Variants in MTERF3 observed in about 807,000 individuals in gnomAD.
MTERF3 encodes mitochondrial transcription termination factor 3, also known as transcription termination factor 3, mitochondrial.
MTERF3 carries 40 observed loss-of-function variants against 40.5 expected under a neutral mutation model. The observed-to-expected ratio is 0.99, with a 90% confidence interval of 0.77 to 1.29. The LOEUF is 1.29. Among genes scored for constraint, MTERF3 ranks in the 50% most tolerant of loss-of-function variants. The pLI, the probability that MTERF3 is intolerant of heterozygous loss-of-function variation, is 0.00. For synonymous variants in MTERF3, 158 were observed against 166.6 expected, an observed-to-expected ratio of 0.95 and a Z score of 0.40; for missense variants, 452 against 478.2, an observed-to-expected ratio of 0.95 and a Z score of 0.51.
intron 1 of MTERF3, among the ~76,000 whole-genome samples, chr8:96,261,193 G>C (rs1283370239): frequency 6.6e-6 from 1 of 152,200 alleles, no homozygotes; most frequent in Non-Finnish European, 1.5e-5. Flanking sequence ...GGAGGTTATG[G>C]GGGCAGCTTC....
chr8:96,261,278 G>A (rs532090217), intron 1 of MTERF3, among the ~76,000 whole-genome samples: 116 of 152,216 alleles, frequency 7.6e-4, no homozygotes, highest in Non-Finnish European at 1.6e-3. Flanking sequence ...CAGGAAGGCA[G>A]AGCCCCCTCC....
At chr8:96,257,871 G>A (rs1471023168) in intron 2 of MTERF3, among the ~76,000 whole-genome samples, 3 of 151,872 alleles carry the variant, frequency 2.0e-5, no homozygotes, top group South Asian at 2.1e-4. Flanking sequence ...CATTACCAGC[G>A]AAATATTCCT....
intron 5 of MTERF3, 22 bp downstream of exon 5, chr8:96,246,281 TAAAC>T: frequency 1.3e-6 from 2 of 1,575,822 alleles, no homozygotes; most frequent in Non-Finnish European, 1.7e-6. Context: ...GACATGGAAA[TAAAC>T]AAATTCTCTC....
In MTERF3 at chr8:96,244,089, A is replaced by C. The variant is rs902314596; in HGVS notation, c.898-9T>G. 6 of 1,604,590 alleles carry C rather than the reference A, an allele frequency of 3.7e-6. No individual in the cohort carries two copies. The highest frequency in any genetic ancestry group is 2.6e-6 in the Non-Finnish European group (3 of 1,172,776). On this transcript the variant is annotated splice_polypyrimidine_tract_variant and intron_variant, in intron 6 of 7. Transcript: ENST00000287025. Reference sequence around the variant, plus strand: ...AGTTCAAGACGATAAACCTAAAAGAAAGTAAATTTGCTATGAATCGTTATG... The same window carrying C: ...AGTTCAAGACGATAAACCTAAAAGACAGTAAATTTGCTATGAATCGTTATG...
At chr8:96,250,459 CCCAGCACTTTGGA>C (rs1288194068) in intron 4 of MTERF3, among the ~76,000 whole-genome samples, 3 of 145,224 alleles carry the variant, frequency 2.1e-5, no homozygotes, top group Non-Finnish European at 4.6e-5. Context: ...CCTGTAAAAT[CCCAGCACTTTGGA>C]GGCCAAGATG....
chr8:96,245,629 C>T (rs1810006679), intron 6 of MTERF3, among the ~76,000 whole-genome samples: 1 of 152,204 alleles, frequency 6.6e-6, no homozygotes, highest in South Asian at 2.1e-4. Flanking sequence ...TTGTGGGTAT[C>T]AATGTCTGCA....
Position 96,245,890 on chromosome 8 carries a change from T to A in MTERF3, c.867A>T (p.Gly289=). 1 of 1,614,090 alleles carries A rather than the reference T, an allele frequency of 6.2e-7. No individual in the cohort carries two copies. Among genetic ancestry groups the A allele is most frequent in the Non-Finnish European group, 8.5e-7 (1 of 1,179,976 alleles). Residue 289 remains glycine, a synonymous_variant, in exon 6 of 8, where the codon GGA becomes GGT. Coordinates refer to ENST00000287025, the MANE Select transcript of MTERF3 (RefSeq NM_015942.5). ...LVVRLPRLLT[G]SLEPVKENMK... The stretch of plus-strand genomic sequence containing the variant: ...TATTTTCTTTCACGGGTTCCAGACT[T>A]CCAGTTAGCAGCCTTGGGAGACGAA...
At chr8:96,240,369 G>A (rs992721404) in intron 7 of MTERF3, among the ~76,000 whole-genome samples, 8 of 151,994 alleles carry the variant, frequency 5.3e-5, no homozygotes, top group Middle Eastern at 3.2e-3. Flanking sequence ...TATCTACCAA[G>A]TTTGAGAACC....
intron 4 of MTERF3, among the ~76,000 whole-genome samples, chr8:96,248,810 A>G (rs951663110): frequency 6.6e-6 from 1 of 152,250 alleles, no homozygotes; most frequent in Non-Finnish European, 1.5e-5. Flanking sequence ...TATTTAAAAA[A>G]TAAGTACATG....
At chr8:96,245,627 A>G (rs1466758669) in intron 6 of MTERF3, among the ~76,000 whole-genome samples, 1 of 152,240 alleles carries the variant, frequency 6.6e-6, no homozygotes, top group Non-Finnish European at 1.5e-5. Context: ...GATTGTGGGT[A>G]TCAATGTCTG....
intron 7 of MTERF3, among the ~76,000 whole-genome samples, chr8:96,243,006 A>G (rs1323453782): frequency 6.6e-6 from 1 of 152,180 alleles, no homozygotes; most frequent in African/African-American, 2.4e-5. Flanking sequence ...ACACTTCTAT[A>G]ATGGGTATAT....
intron 4 of MTERF3, among the ~76,000 whole-genome samples, chr8:96,250,653 G>GA (rs1444592275): frequency 3.8e-5 from 1 of 26,608 alleles, no homozygotes; most frequent in Non-Finnish European, 8.3e-5. Flanking sequence ...AGAAGAAGAA[G>GA]AAGAAGAAGA....
intron 7 of MTERF3, among the ~76,000 whole-genome samples, chr8:96,240,463 T>C (rs1456643873): frequency 1.3e-5 from 2 of 152,126 alleles, no homozygotes; most frequent in African/African-American, 4.8e-5. Context: ...TTTTTTAAAA[T>C]TTGCACTCCT....
chr8:96,250,615 C>CGA (rs1810131728), intron 4 of MTERF3, among the ~76,000 whole-genome samples: 3 of 11,790 alleles, frequency 2.5e-4, no homozygotes, highest in Non-Finnish European at 3.9e-4. Flanking sequence ...GAGGCTGAGG[C>CGA]AGAAGAAGAA....
intron 4 of MTERF3, among the ~76,000 whole-genome samples, chr8:96,248,347 C>T (rs1181654585): frequency 1.3e-5 from 2 of 152,124 alleles, no homozygotes; most frequent in African/African-American, 2.4e-5. Context: ...TAGGTACTAG[C>T]GAGATCCGCA....
chr8:96,244,655 C>T (rs1586164002), intron 6 of MTERF3, among the ~76,000 whole-genome samples: 1 of 152,236 alleles, frequency 6.6e-6, no homozygotes, highest in East Asian at 1.9e-4. Context: ...CCCACCTCGG[C>T]CTCCCATGCC....
In MTERF3 at chr8:96,250,396, GTAATAAGTTGAAAACATAAAAA is replaced by G. The variant is rs1458063975; in HGVS notation, c.677+488_677+509del. Among the ~76,000 whole-genome samples, 26 of 145,952 alleles carry G rather than the reference GTAATAAGTTGAAAACATAAAAA, an allele frequency of 1.8e-4. No homozygotes were observed. The South Asian group carries it at 2.1e-3, about 12-fold the overall frequency. Reference sequence around the variant, plus strand: ...AGAGAAAGAGTTAATTACTGACTCAGTAATAAGTTGAAAACATAAAAATAATAATGGAGCCAGGCAGGGTGGC... The same window carrying G: ...AGAGAAAGAGTTAATTACTGACTCAGTAATAATGGAGCCAGGCAGGGTGGC... On this transcript the variant is annotated intron_variant, in intron 4 of 7. Coordinates refer to ENST00000287025, the MANE Select transcript of MTERF3 (RefSeq NM_015942.5).
At chr8:96,244,161 T>C in intron 6 of MTERF3, 81 bp from the exon 7 acceptor site, 4 of 1,290,490 alleles carry the variant, frequency 3.1e-6, no homozygotes, top group Non-Finnish European at 3.2e-6. Flanking sequence ...CTGATTTTTT[T>C]TTTTTTTGAG....
intron 4 of MTERF3, among the ~76,000 whole-genome samples, chr8:96,247,026 G>A (rs1810034758): frequency 6.6e-6 from 1 of 152,060 alleles, no homozygotes; most frequent in Non-Finnish European, 1.5e-5. Context: ...AGGCTGGAGT[G>A]CAGTGGCATG....
Sources: allele counts gnomAD v4.1 joint callset (sites outside exome capture counted in the v4.1 genomes callset), GRCh38; gene constraint gnomAD v4.1.1; transcripts MANE v1.5; gene names NCBI Gene and HGNC (gene_info 2026-07-23, HGNC 2026-07-21).